SEC11A: variants seen among roughly 807,000 people sequenced by gnomAD.
SEC11A encodes the protein signal peptidase complex catalytic subunit SEC11A.
SEC11A carries 14 observed loss-of-function variants against 25.6 expected under a neutral mutation model. The observed-to-expected ratio is 0.55, with a 90% CI of 0.36 to 0.85. The LOEUF (loss-of-function observed/expected upper bound fraction) is 0.85, where lower values mean the gene tolerates loss of function less well. Among genes scored for constraint, SEC11A ranks in the 40% least tolerant of loss-of-function variants. SEC11A has a pLI of 0.01. For missense variants in SEC11A, 153 were observed against 222.9 expected (o/e 0.69, Z 2.00); for synonymous variants, 83 against 76.4 (o/e 1.09, Z -0.45).
chr15:84,705,363 T>C (rs561416448), intron 1 of SEC11A, among the ~76,000 whole-genome samples: 1 of 152,176 alleles, frequency 6.6e-6, no homozygotes, highest in Non-Finnish European at 1.5e-5. Flanking sequence ...AGAATGCAGT[T>C]ATGGCACCAG....
chr15:84,697,940 A>G (rs2141906195), intron 1 of SEC11A, among the ~76,000 whole-genome samples: 1 of 134,110 alleles, frequency 7.5e-6, no homozygotes, highest in Non-Finnish European at 1.7e-5. Flanking sequence ...CTAGAAAAGA[A>G]TGATATCAAA....
intron 3 of SEC11A, among the ~76,000 whole-genome samples, chr15:84,683,618 G>A (rs1001596900): frequency 2.0e-5 from 3 of 151,424 alleles, no homozygotes; most frequent in Admixed American, 1.3e-4. Context: ...GTGCAATGAC[G>A]CGATCTTGGC....
At chr15:84,670,893 A>T in intron 4 of SEC11A, 111 bp from the exon 5 acceptor site, 1 of 535,074 alleles carries the variant, frequency 1.9e-6, no homozygotes, top group Non-Finnish European at 3.3e-6. Flanking sequence ...CAATTCACAA[A>T]GTCCATTTCT....
chr15:84,686,519 G>A (rs1897427791), intron 3 of SEC11A: 1 of 152,306 alleles, frequency 6.6e-6, no homozygotes, highest in African/African-American at 2.4e-5. Flanking sequence ...GCTGAGGCAT[G>A]AGAATCACTT....
At chr15:84,683,617 C>T (rs905384667) in intron 3 of SEC11A, among the ~76,000 whole-genome samples, 16 of 151,512 alleles carry the variant, frequency 1.1e-4, no homozygotes, top group African/African-American at 3.6e-4. Context: ...AGTGCAATGA[C>T]GCGATCTTGG....
chr15:84,690,235 C>T (rs1235206161), intron 2 of SEC11A, among the ~76,000 whole-genome samples: 2 of 152,128 alleles, frequency 1.3e-5, no homozygotes, highest in African/African-American at 2.4e-5. Context: ...ATAAGTCTCA[C>T]GAGATCTGAT....
intron 2 of SEC11A, 62 bp downstream of exon 2, chr15:84,691,473 A>G: frequency 1.1e-6 from 1 of 892,418 alleles, no homozygotes; most frequent in Non-Finnish European, 1.8e-6. Context: ...GTTATTTCAT[A>G]TCTCAATTTT....
chr15:84,712,605 G>C (rs1052711126), intron 1 of SEC11A, among the ~76,000 whole-genome samples: 1 of 151,774 alleles, frequency 6.6e-6, no homozygotes, highest in Admixed American at 6.6e-5. Flanking sequence ...GCACCACCAT[G>C]CTCGGCTAAT....
intron 2 of SEC11A, among the ~76,000 whole-genome samples, chr15:84,689,149 A>G (rs1897523738): frequency 6.6e-6 from 1 of 152,072 alleles, no homozygotes; most frequent in South Asian, 2.1e-4. Context: ...GGGGAGGATC[A>G]CTTGAGATCA....
intron 1 of SEC11A, among the ~76,000 whole-genome samples, chr15:84,704,920 CT>C (rs11407566): frequency 2.7e-5 from 4 of 147,370 alleles, no homozygotes; most frequent in South Asian, 2.2e-4. Context: ...CTTCTGGAGT[CT>C]TTTTTTTTTT....
At chr15:84,693,238 T>A (rs1190950595) in intron 1 of SEC11A, among the ~76,000 whole-genome samples, 2 of 152,106 alleles carry the variant, frequency 1.3e-5, no homozygotes, top group East Asian at 3.9e-4. Flanking sequence ...GATTAAAAAG[T>A]ACTAAAGAGA....
chr15:84,692,861 A>C (rs1897650045), intron 1 of SEC11A, among the ~76,000 whole-genome samples: 1 of 152,200 alleles, frequency 6.6e-6, no homozygotes, highest in African/African-American at 2.4e-5. Context: ...AAAAAACAGA[A>C]GTTTCAAAAG....
chr15:84,714,500 A>T (rs1156580076), intron 1 of SEC11A, among the ~76,000 whole-genome samples: 2 of 152,244 alleles, frequency 1.3e-5, no homozygotes, highest in Admixed American at 1.3e-4. Flanking sequence ...GTATACACGT[A>T]AAAACGGTTG....
intron 2 of SEC11A, among the ~76,000 whole-genome samples, chr15:84,689,716 T>TTA (rs1897546171): frequency 6.6e-6 from 1 of 151,592 alleles, no homozygotes; most frequent in Non-Finnish European, 1.5e-5. Context: ...CAAGCAATTC[T>TTA]CCTGCCTCAG....
intron 1 of SEC11A, among the ~76,000 whole-genome samples, chr15:84,713,225 A>G (rs952392199): frequency 6.6e-6 from 1 of 151,948 alleles, no homozygotes; most frequent in Admixed American, 6.6e-5. Flanking sequence ...ATCAAATGGT[A>G]CACTTTAAAT....
intron 3 of SEC11A, chr15:84,686,561 A>T (rs1897429143): frequency 6.6e-6 from 1 of 152,238 alleles, no homozygotes; most frequent in African/African-American, 2.4e-5. Flanking sequence ...CAGTGAGCCG[A>T]GATAGCGCCA....
intron 4 of SEC11A, 23 bp from the exon 5 acceptor site, chr15:84,670,805 T>C (rs1366444379): frequency 2.5e-6 from 3 of 1,220,034 alleles, no homozygotes; most frequent in Non-Finnish European, 3.5e-6. Flanking sequence ...AAAAACTGAT[T>C]ATCACAGAAT....
At chr15:84,686,699 C>T (rs971397574) in intron 3 of SEC11A, 2 of 152,288 alleles carry the variant, frequency 1.3e-5, no homozygotes, top group Non-Finnish European at 2.9e-5. Flanking sequence ...TCTTTCATTT[C>T]TTTCTTTTTT....
At chr15:84,704,695 C>A (rs1381560848) in intron 1 of SEC11A, among the ~76,000 whole-genome samples, 2 of 152,162 alleles carry the variant, frequency 1.3e-5, no homozygotes, top group African/African-American at 2.4e-5. Flanking sequence ...AATTTCTTAA[C>A]CTTCCAGTAA....
Sources: gnomAD v4.1 joint callset for allele counts (sites outside exome capture counted in the v4.1 genomes callset) on GRCh38, gnomAD v4.1.1 for gene constraint, MANE v1.5 for transcripts, NCBI Gene and HGNC (gene_info 2026-07-23, HGNC 2026-07-21) for gene names.